Variants in BACH2 observed in about 807,000 individuals in gnomAD.
BACH2 encodes transcription regulator protein BACH2.
BACH2 carries 5 observed loss-of-function variants against 61.8 expected under a neutral mutation model. The ratio of observed to expected loss-of-function variants is 0.08; its 90% confidence interval spans 0.04 to 0.17. The LOEUF (loss-of-function observed/expected upper bound fraction) is 0.17. BACH2 is among the 10% of genes least tolerant of loss of function. The pLI is 1.00. For synonymous variants in BACH2, 446 were observed against 440.1 expected, an observed-to-expected ratio of 1.01 and a Z score of -0.17; for missense variants, 824 against 1,091.1, an observed-to-expected ratio of 0.76 and a Z score of 3.45.
chr6:90,068,042 G>A lies in BACH2; in HGVS notation c.-13+20919C>T, dbSNP rs1158597130. ...TTCTGAGGTTCCTTGAGATCTCTGT[G>A]CATTCAGTTTACACCCAAAGCATAA... On this transcript the variant is annotated intron_variant, in intron 5 of 8. Transcript: ENST00000257749. 5.3e-4 allele frequency among the ~76,000 whole-genome samples: 81 copies of A among 152,184 alleles called. 1 individual carries two copies. The highest frequency in any genetic ancestry group is 5.3e-3 in the Admixed American group (81 of 15,286).
At chr6:90,179,571 T>C (rs1376341385) in intron 4 of BACH2, among the ~76,000 whole-genome samples, 1 of 152,172 alleles carries the variant, frequency 6.6e-6, no homozygotes, top group African/African-American at 2.4e-5. Flanking sequence ...AAGGTCTTTC[T>C]AACTGAGTAA....
rs572241415 is a variant in BACH2, at chr6:90,054,086, G to T, written c.-13+34875C>A. On this transcript the variant is annotated intron_variant, in intron 5 of 8. Transcript: ENST00000257749. ...TCTGCATTTCCAACTGAGGTACCGGGTTCATCTCACTGGGGAGTGCCAGAT... is the reference window on the plus strand; with the variant it reads ...TCTGCATTTCCAACTGAGGTACCGGTTTCATCTCACTGGGGAGTGCCAGAT... Among the ~76,000 whole-genome samples, 19 of 152,318 alleles carry T rather than the reference G, an allele frequency of 1.2e-4. No homozygotes were observed. In the East Asian group the frequency reaches 1.9e-3, roughly 15 times the overall value.
intron 3 of BACH2, among the ~76,000 whole-genome samples, chr6:90,227,741 A>G (rs553225968): frequency 2.0e-5 from 3 of 152,292 alleles, no homozygotes; most frequent in Non-Finnish European, 4.4e-5. Context: ...AAAATTACAG[A>G]CTAGAAATCA....
At chr6:89,964,594 A>T (rs16882293) in intron 6 of BACH2, among the ~76,000 whole-genome samples, 1 of 152,178 alleles carries the variant, frequency 6.6e-6, no homozygotes, top group Admixed American at 6.5e-5. Context: ...TAGCCAGATT[A>T]CGACCCGAAT....
At chr6:90,287,747 T>C (rs1415162752) in intron 1 of BACH2, among the ~76,000 whole-genome samples, 1 of 152,230 alleles carries the variant, frequency 6.6e-6, no homozygotes, top group Non-Finnish European at 1.5e-5. Flanking sequence ...GTGTGCGAAA[T>C]TCTATTGTTT....
At chr6:90,004,931 G>A (rs917791801) in intron 6 of BACH2, among the ~76,000 whole-genome samples, 1 of 152,042 alleles carries the variant, frequency 6.6e-6, no homozygotes, top group East Asian at 1.9e-4. Flanking sequence ...TTTTTCAGTG[G>A]GGAACAAACA....
rs183553334 is a variant in BACH2, at chr6:89,940,116, T to A, written c.1837-1766A>T. Among the ~76,000 whole-genome samples, 364 of 152,274 alleles carry A rather than the reference T, an allele frequency of 2.4e-3. 2 individuals are homozygous for A. The highest frequency in any genetic ancestry group is 8.3e-3 in the African/African-American group (345 of 41,550). ...AACTCCACCTCCCTGGTTCAAGCGA[T>A]TCTCCTGCCTCACCTCCTGAGTAGC... On this transcript the variant is annotated intron_variant, in intron 7 of 8. Coordinates refer to ENST00000257749, the MANE Select transcript of BACH2 (RefSeq NM_021813.4).
intron 8 of BACH2, among the ~76,000 whole-genome samples, chr6:89,937,266 G>A (rs886231389): frequency 5.9e-5 from 9 of 152,100 alleles, no homozygotes; most frequent in African/African-American, 1.9e-4. Flanking sequence ...GCAGGTAGGC[G>A]TCCTATCTCT....
At chr6:90,118,528 G>T (rs1316049164) in intron 4 of BACH2, among the ~76,000 whole-genome samples, 1 of 152,094 alleles carries the variant, frequency 6.6e-6, no homozygotes, top group Non-Finnish European at 1.5e-5. Context: ...AAATAATTTT[G>T]TTCTATCTAT....
intron 4 of BACH2, among the ~76,000 whole-genome samples, chr6:90,134,579 G>C (rs573132368): frequency 6.6e-6 from 1 of 152,296 alleles, no homozygotes; most frequent in Admixed American, 6.5e-5. Context: ...AGTTTCACTG[G>C]GATGGTAATA....
intron 5 of BACH2, among the ~76,000 whole-genome samples, chr6:90,063,268 T>C (rs977250102): frequency 1.3e-5 from 2 of 152,176 alleles, no homozygotes; most frequent in Non-Finnish European, 2.9e-5. Flanking sequence ...GAAACTCCTA[T>C]GGGGGTGTGT....
intron 3 of BACH2, among the ~76,000 whole-genome samples, chr6:90,211,245 A>G (rs1030958277): frequency 6.6e-6 from 1 of 151,200 alleles, no homozygotes; most frequent in African/African-American, 2.4e-5. Context: ...CAAGCAAACA[A>G]AGACACTCAG....
At chr6:90,102,246 A>G (rs116623030) in intron 4 of BACH2, among the ~76,000 whole-genome samples, 4,058 of 152,192 alleles carry the variant, frequency 0.027, 153 homozygotes, top group African/African-American at 0.091. Flanking sequence ...ACTGCTGCTG[A>G]CAGCCCATAT....
intron 5 of BACH2, among the ~76,000 whole-genome samples, chr6:90,056,791 T>C (rs1183383571): frequency 1.3e-5 from 2 of 152,140 alleles, no homozygotes; most frequent in Non-Finnish European, 2.9e-5. Context: ...CACAGTGCAA[T>C]CAAACTAGAA....
chr6:90,097,783 AAGTG>A, intron 4 of BACH2, among the ~76,000 whole-genome samples: 1 of 152,350 alleles, frequency 6.6e-6, no homozygotes. Flanking sequence ...TACATTTTTA[AAGTG>A]AGTATTTTCT....
chr6:90,208,600 T>TG (rs1769231201), intron 3 of BACH2, among the ~76,000 whole-genome samples: 1 of 152,342 alleles, frequency 6.6e-6, no homozygotes, highest in South Asian at 2.1e-4. Context: ...TCTACACTGT[T>TG]GGTGGGAGTG....
At chr6:90,237,361 C>G (rs1770294498) in intron 3 of BACH2, among the ~76,000 whole-genome samples, 1 of 152,214 alleles carries the variant, frequency 6.6e-6, no homozygotes, top group Non-Finnish European at 1.5e-5. Flanking sequence ...GACATCCTAG[C>G]CTGTCTGTCA....
chr6:90,089,547 AATGAG>A (rs1420765224), intron 4 of BACH2, among the ~76,000 whole-genome samples: 1 of 152,174 alleles, frequency 6.6e-6, no homozygotes, highest in East Asian at 1.9e-4. Context: ...TTCTGACCGA[AATGAG>A]ATGATTCCCT....
At chr6:90,050,389 G>C (rs1228616155) in intron 5 of BACH2, among the ~76,000 whole-genome samples, 1 of 152,070 alleles carries the variant, frequency 6.6e-6, no homozygotes, top group African/African-American at 2.4e-5. Flanking sequence ...TAATATCGAA[G>C]AAGAACACCC....
Sources: gnomAD v4.1 joint callset for allele counts (sites outside exome capture counted in the v4.1 genomes callset) on GRCh38, gnomAD v4.1.1 for gene constraint, MANE v1.5 for transcripts, NCBI Gene and HGNC (gene_info 2026-07-23, HGNC 2026-07-21) for gene names.